The following ADAMTS17 variants were observed in gnomAD, a reference collection of about 807,000 sequenced individuals.
ADAMTS17 encodes A disintegrin and metalloproteinase with thrombospondin motifs 17.
A neutral mutation model predicts 141.5 loss-of-function variants in ADAMTS17; 113 were observed. The ratio of observed to expected loss-of-function variants is 0.80; its 90% CI spans 0.69 to 0.93. The LOEUF is 0.93. Ranked by LOEUF, ADAMTS17 falls within the 40% of genes least tolerant of loss-of-function variation. ADAMTS17 has a pLI of 0.00. For synonymous variants in ADAMTS17, 768 were observed against 630.6 expected (o/e 1.22, Z -3.27); for missense variants, 1,659 against 1,517.9 (o/e 1.09, Z -1.54).
intron 10 of ADAMTS17, among the ~76,000 whole-genome samples, chr15:100,136,152 G>A (rs2038320308): frequency 6.6e-6 from 1 of 152,208 alleles, no homozygotes; most frequent in Admixed American, 6.5e-5. Flanking sequence ...ACTTGCATTA[G>A]TTCCATGTTG....
rs116876248 is a variant in ADAMTS17 at position 100,193,335 on chromosome 15, C to T, written c.1181+5983G>A. 1.4e-4 allele frequency among the ~76,000 whole-genome samples: 21 copies of T among 152,316 alleles called. No individual in the cohort carries two copies. The East Asian group carries it at 3.1e-3, about 22-fold the overall frequency. On this transcript the variant is annotated intron_variant, in intron 8 of 21. Coordinates refer to ENST00000268070, the MANE Select transcript of ADAMTS17 (RefSeq NM_139057.4). Reference sequence around the variant, plus strand: ...ACATTCAGAATAGCTGGGTCCTGAGCGCTCACTCAGAAGTGGTGAGGTGCA... The same window carrying T: ...ACATTCAGAATAGCTGGGTCCTGAGTGCTCACTCAGAAGTGGTGAGGTGCA...
intron 2 of ADAMTS17, among the ~76,000 whole-genome samples, chr15:100,336,669 T>A (rs774092208): frequency 6.6e-6 from 1 of 152,184 alleles, no homozygotes; most frequent in Non-Finnish European, 1.5e-5. Context: ...CCACACCATA[T>A]AATTTTTGAC....
chr15:100,182,100 C>G (rs537328478), intron 8 of ADAMTS17, among the ~76,000 whole-genome samples: 1 of 152,268 alleles, frequency 6.6e-6, no homozygotes, highest in Admixed American at 6.5e-5. Flanking sequence ...TTTCACACTG[C>G]TACAAAGAAA....
chr15:100,265,668 G>T (rs113309557), intron 4 of ADAMTS17, among the ~76,000 whole-genome samples: 1 of 152,134 alleles, frequency 6.6e-6, no homozygotes, highest in African/African-American at 2.4e-5. Context: ...CTTCACAAGG[G>T]CACCACCTAC....
intron 18 of ADAMTS17, among the ~76,000 whole-genome samples, chr15:100,013,516 G>A (rs566546742): frequency 6.6e-6 from 1 of 152,294 alleles, no homozygotes; most frequent in South Asian, 2.1e-4. Flanking sequence ...TGTTGGCTGT[G>A]GGTTTGTCAT....
At chr15:100,130,696 T>C (rs2037992702) in intron 12 of ADAMTS17, among the ~76,000 whole-genome samples, 1 of 152,190 alleles carries the variant, frequency 6.6e-6, no homozygotes, top group Admixed American at 6.5e-5. Context: ...ATTTGCTAAT[T>C]ATCCATCAAC....
intron 15 of ADAMTS17, among the ~76,000 whole-genome samples, chr15:100,074,755 C>T (rs1018997530): frequency 6.6e-6 from 1 of 152,004 alleles, no homozygotes; most frequent in African/African-American, 2.4e-5. Flanking sequence ...TTCTATGCTT[C>T]TATAATAACT....
At chr15:100,002,152 C>T (rs1188853507) in intron 18 of ADAMTS17, among the ~76,000 whole-genome samples, 1 of 151,968 alleles carries the variant, frequency 6.6e-6, no homozygotes, top group Non-Finnish European at 1.5e-5. Flanking sequence ...TCCTGGGCTG[C>T]TTTTTGTCTC....
At chr15:100,129,536 G>C (rs1044324488) in intron 12 of ADAMTS17, 2 of 152,258 alleles carry the variant, frequency 1.3e-5, no homozygotes, top group African/African-American at 2.4e-5. Flanking sequence ...CTCAGGTCAG[G>C]AGTTTGAGAC....
At chr15:100,019,976 C>T (rs2573681) in intron 18 of ADAMTS17, among the ~76,000 whole-genome samples, 11,527 of 144,814 alleles carry the variant, frequency 0.08, 1,266 homozygotes, top group African/African-American at 0.26. Context: ...AGGTTAGCCC[C>T]AAGCCTCTTG....
At chr15:100,334,613 G>A (rs1427123689) in intron 2 of ADAMTS17, among the ~76,000 whole-genome samples, 8 of 152,142 alleles carry the variant, frequency 5.3e-5, no homozygotes, top group South Asian at 2.1e-4. Flanking sequence ...GGGTGGGCAC[G>A]CACCTCTTTC....
chr15:100,207,325 C>T (rs1015251730), intron 7 of ADAMTS17, among the ~76,000 whole-genome samples: 51 of 152,274 alleles, frequency 3.3e-4, no homozygotes, highest in African/African-American at 1.2e-3. Context: ...ACTGGCACTG[C>T]GGAGTTCCAG....
intron 2 of ADAMTS17, among the ~76,000 whole-genome samples, chr15:100,336,111 G>A (rs761689985): frequency 7.9e-5 from 12 of 152,150 alleles, no homozygotes; most frequent in Non-Finnish European, 1.8e-4. Flanking sequence ...CTTCTTTTTC[G>A]TTTGTTTTTA....
At chr15:100,196,247 T>C (rs1389411224) in intron 8 of ADAMTS17, among the ~76,000 whole-genome samples, 1 of 152,248 alleles carries the variant, frequency 6.6e-6, no homozygotes, top group African/African-American at 2.4e-5. Flanking sequence ...AAGCCATGCA[T>C]ACAAAGAGAC....
Position 99,974,460 on chromosome 15 carries a change from C to A in ADAMTS17, c.3230G>T (p.Cys1077Phe). Residue 1077 changes from cysteine to phenylalanine, a missense_variant, in exon 22 of 22, where the codon TGC becomes TTC. Coordinates refer to ENST00000268070, the MANE Select transcript of ADAMTS17 (RefSeq NM_139057.4). ...CQDMRWYQRC[C>F]QTCRDFYANK... ...TGCATAGAAGTCCCTGCAGGTCTGG[C>A]AGCAGCGCTGGTACCACCGCATGTC... The A allele has an allele frequency of 6.2e-7, 1 of 1,614,194 alleles. No individual in the cohort carries two copies. Among genetic ancestry groups the A allele is most frequent in the African/African-American group, 1.3e-5 (1 of 75,046 alleles).
intron 15 of ADAMTS17, among the ~76,000 whole-genome samples, chr15:100,079,362 T>C (rs1400725653): frequency 6.6e-6 from 1 of 152,238 alleles, no homozygotes; most frequent in Non-Finnish European, 1.5e-5. Flanking sequence ...GGAATAGTAT[T>C]TGGCAATAAA....
chr15:100,102,690 T>C (rs2036190162), intron 14 of ADAMTS17, among the ~76,000 whole-genome samples: 1 of 152,116 alleles, frequency 6.6e-6, no homozygotes, highest in African/African-American at 2.4e-5. Flanking sequence ...CGAGGGAAAT[T>C]GACCTCTAAC....
At chr15:100,316,332 C>A (rs901034382) in intron 3 of ADAMTS17, among the ~76,000 whole-genome samples, 1 of 152,206 alleles carries the variant, frequency 6.6e-6, no homozygotes, top group Non-Finnish European at 1.5e-5. Flanking sequence ...TAGAAGCCCA[C>A]TCCCTTGGCC....
chr15:100,211,321 G>GT (rs1567361898), intron 7 of ADAMTS17, among the ~76,000 whole-genome samples: 1 of 137,916 alleles, frequency 7.3e-6, no homozygotes, highest in Admixed American at 7.5e-5. Context: ...AAAAAAAAAA[G>GT]TTAGAAGAGC....
Sources: gnomAD v4.1 joint callset for allele counts (sites outside exome capture counted in the v4.1 genomes callset) on GRCh38, gnomAD v4.1.1 for gene constraint, MANE v1.5 for transcripts, NCBI Gene and HGNC (gene_info 2026-07-23, HGNC 2026-07-21) for gene names.